The following IDUA variants were observed in gnomAD, a reference collection of about 807,000 sequenced individuals.
The protein encoded by IDUA is alpha-L-iduronidase.
Under a neutral mutation model 68.9 loss-of-function variants are expected in IDUA, and 65 were observed. The observed-to-expected ratio is 0.94, with a 90% confidence interval of 0.77 to 1.16. The LOEUF is 1.16. IDUA is among the 50% of genes most tolerant of loss of function. The probability of loss-of-function intolerance (pLI) is 0.00; values close to 1 mark genes in which losing one functional copy is unlikely to be tolerated. For missense variants in IDUA, 1,046 were observed against 938.0 expected, an observed-to-expected ratio of 1.12 and a Z score of -1.50; for synonymous variants, 529 against 433.6, an observed-to-expected ratio of 1.22 and a Z score of -2.73.
chr4:987,070 C>T lies in IDUA; in HGVS notation c.-15C>T, dbSNP rs1453319978. Reference sequence around the variant, plus strand: ...GTGCAGCCCGAAGCCCCGCAGTCCCCGAGCACGCGTGGCCATGCGTCCCCT... The same window carrying T: ...GTGCAGCCCGAAGCCCCGCAGTCCCTGAGCACGCGTGGCCATGCGTCCCCT... On this transcript the variant is annotated 5_prime_UTR_variant, in exon 1 of 14. Coordinates refer to ENST00000514224, the MANE Select transcript of IDUA (RefSeq NM_000203.5). The T allele has an allele frequency of 6.6e-7, 1 of 1,505,788 alleles. No homozygotes were observed. Among genetic ancestry groups the T allele is most frequent in the Non-Finnish European group, 8.8e-7 (1 of 1,135,874 alleles). 93.3% of individuals were successfully genotyped at this position (1,505,788 alleles called of 1,614,324 possible). A position where few individuals can be genotyped will look rare whatever the true frequency, so the allele number is the denominator to read the frequency against.
intron 2 of IDUA, chr4:991,439 C>T (rs1010411911): frequency 1.9e-6 from 3 of 1,612,602 alleles, no homozygotes; most frequent in Middle Eastern, 1.6e-4. Flanking sequence ...AATGAGTAGG[C>T]GATGGCCTGC....
chr4:987,671 G>C (rs749665697), intron 1 of IDUA, 138 bp from the exon 2 acceptor site: 473 of 1,490,066 alleles, frequency 3.2e-4, no homozygotes, highest in Non-Finnish European at 4.0e-4. Context: ...TGGCCCTAAG[G>C]GTCATTTTAT....
In IDUA at chr4:1,002,112, T is replaced by G. The variant is rs752337969; in HGVS notation, c.923T>G (p.Leu308Arg). 2 of 1,571,666 alleles carry G rather than the reference T, an allele frequency of 1.3e-6. No individual in the cohort carries two copies. The highest frequency in any genetic ancestry group is 1.7e-6 in the Non-Finnish European group (2 of 1,159,368). Reference protein sequence around the residue: ...DEADPLVGWSLPQPWRADVTY... With the variant: ...DEADPLVGWSRPQPWRADVTY... The stretch of plus-strand genomic sequence containing the variant: ...GCGGACCCGCTGGTGGGCTGGTCCC[T>G]GCCACAGCCGTGGAGGGCGGACGTG... The change falls in exon 7 of 14, where the codon CTG becomes CGG. Residue 308 changes from leucine (L) to arginine (R), a missense_variant. By Grantham distance (102) the Leu-to-Arg change is moderately radical. Coordinates refer to ENST00000514224, the MANE Select transcript of IDUA (RefSeq NM_000203.5).
At chr4:1,000,744 C>T in intron 3 of IDUA, 47 bp downstream of exon 3, 3 of 1,515,558 alleles carry the variant, frequency 2.0e-6, no homozygotes, top group Non-Finnish European at 2.7e-6. Flanking sequence ...CCCCCTTGCC[C>T]TGCCCACCCT....
rs1577541140 is a variant in IDUA at position 1,002,345 on chromosome 4, A to G, written c.1049A>G (p.Asn350Ser). 1 of 1,613,104 alleles carries G rather than the reference A, an allele frequency of 6.2e-7. No individual in the cohort carries two copies. Among genetic ancestry groups the G allele is most frequent in the Non-Finnish European group, 8.5e-7 (1 of 1,179,674 alleles). Residue 350 changes from asparagine to serine, a missense_variant, in exon 8 of 14, where the codon AAT (asparagine) becomes AGT (serine). Coordinates refer to ENST00000514224, the MANE Select transcript of IDUA (RefSeq NM_000203.5). The part of the protein sequence containing the change: ...AFPYALLSND[N>S]AFLSYHPHPF... ...CCCTACGCGCTCCTGAGCAACGACA[A>G]TGCCTTCCTGAGCTACCACCCGCAC...
At chr4:991,508 G>T in intron 2 of IDUA, 2 of 1,609,720 alleles carry the variant, frequency 1.2e-6, no homozygotes, top group African/African-American at 1.3e-5. Flanking sequence ...AGGTACTCCC[G>T]CGGGCGGTAC....
intron 2 of IDUA, chr4:990,874 G>T: frequency 2.0e-6 from 1 of 501,574 alleles, no homozygotes; most frequent in Non-Finnish European, 3.5e-6. Flanking sequence ...CACCTGGCCT[G>T]CTGGTCCCCA....
chr4:1,002,757 G>T lies in IDUA; in HGVS notation c.1215G>T (p.Val405=). ...LLDEEQLWAE[V]SQAGTVLDSN... is the part of the protein sequence containing the mutation. ...ATGAGGAGCAGCTCTGGGCCGAAGT[G>T]TCGCAGGCCGGGACCGTCCTGGACA... is the stretch of plus-strand genomic sequence containing the variant. The change falls in exon 9 of 14, where the codon GTG becomes GTT. Residue 405 remains valine (V), a synonymous_variant. Coordinates refer to ENST00000514224, the MANE Select transcript of IDUA (RefSeq NM_000203.5). The T allele has an allele frequency of 6.7e-7, 1 of 1,485,278 alleles. No homozygotes were observed. The allele number at this position is 1,485,278 out of a possible 1,614,324, so 92.0% of individuals were successfully genotyped here.
chr4:991,817 G>A, intron 2 of IDUA: 1 of 1,533,506 alleles, frequency 6.5e-7, no homozygotes, highest in Non-Finnish European at 8.7e-7. Context: ...GCCCCTTGGG[G>A]CGGACCCCTC....
chr4:989,169 G>C (rs765012552), intron 2 of IDUA: 1 of 1,607,300 alleles, frequency 6.2e-7, no homozygotes, highest in Non-Finnish European at 8.5e-7. Context: ...CCAGGTCCTC[G>C]CCCTGGGCAG....
Position 1,004,402 on chromosome 4 carries a change from T to C in IDUA, c.*9T>C. On this transcript the variant is annotated 3_prime_UTR_variant, in exon 14 of 14. Transcript: ENST00000514224. This position sits in a 1 kb window ranked among gnomAD's most constrained non-coding sequence, Gnocchi z 5.0. ...CCCCGGGCAATCCATGAGCCTGTGC[T>C]GAGCCCCAGTGGGTTGCACCTCCAC... 6.2e-7 allele frequency: 1 copy of C among 1,609,604 alleles called. No individual in the cohort carries two copies. Among genetic ancestry groups the C allele is most frequent in the Non-Finnish European group, 8.5e-7 (1 of 1,179,922 alleles).
chr4:1,004,433 G>A lies in IDUA; in HGVS notation c.*40G>A. ...CCAGTGGGTTGCACCTCCACCGGCA[G>A]TCAGCGAGCTGGGGCTGCACTGTGC... On this transcript the variant is annotated 3_prime_UTR_variant, in exon 14 of 14. Coordinates refer to ENST00000514224, the MANE Select transcript of IDUA (RefSeq NM_000203.5). The surrounding 1 kb of genome is among the most constrained non-coding windows in gnomAD (Gnocchi z 5.0). The A allele has an allele frequency of 6.2e-7, 1 of 1,605,230 alleles. No individual in the cohort carries two copies.
chr4:1,001,644 AG>A, intron 5 of IDUA, 34 bp from the exon 6 acceptor site: 1 of 1,606,000 alleles, frequency 6.2e-7, no homozygotes, highest in Non-Finnish European at 8.5e-7. Context: ...GCTCATCCCC[AG>A]GGCAGGTGTA....
At position 1,001,863 on chromosome 4, in the gene IDUA, C is replaced by T. The variant is rs1276524614; in HGVS notation, c.774C>T (p.Tyr258=). ...GGGAGGCGGGCGTGCGGCTGGACTACATCTCCCTCCACAGGAAGGTGCGCC... is the reference window on the plus strand; with the variant it reads ...GGGAGGCGGGCGTGCGGCTGGACTATATCTCCCTCCACAGGAAGGTGCGCC... ...FTGEAGVRLD[Y]ISLHRKGARS... The change falls in exon 6 of 14, where the codon TAC becomes TAT. Residue 258 remains tyrosine, a synonymous_variant. Coordinates refer to ENST00000514224, the MANE Select transcript of IDUA (RefSeq NM_000203.5). The T allele has an allele frequency of 2.5e-6, 4 of 1,590,646 alleles. No individual in the cohort carries two copies. Among genetic ancestry groups the T allele is most frequent in the South Asian group, 1.1e-5 (1 of 88,168 alleles).
intron 2 of IDUA, chr4:990,993 G>T: frequency 1.1e-6 from 1 of 932,054 alleles, no homozygotes; most frequent in African/African-American, 1.7e-5. Flanking sequence ...CCCCAGCTCT[G>T]CCCAAGCCTT....
At position 994,978 on chromosome 4, in the gene IDUA, T is replaced by C. The variant is rs1329763402; in HGVS notation, c.300-5634T>C. 3.9e-5 allele frequency among the ~76,000 whole-genome samples: 6 copies of C among 152,000 alleles called. No homozygotes were observed. The East Asian group carries it at 9.7e-4, about 25-fold the overall frequency. Reference sequence around the variant, plus strand: ...ACTTTGGGAAGCTAAGGTAGGAGGATTGCTTGAGCCCTGGAGGTCCAGGCT... The same window carrying C: ...ACTTTGGGAAGCTAAGGTAGGAGGACTGCTTGAGCCCTGGAGGTCCAGGCT... On this transcript the variant is annotated intron_variant, in intron 2 of 13. Transcript: ENST00000514224.
chr4:1,000,612 G>A lies in IDUA; in HGVS notation c.300G>A (p.Arg100=), dbSNP rs1340970137. 1 of 1,611,640 alleles carries A rather than the reference G, an allele frequency of 6.2e-7. No individual in the cohort carries two copies. ...CCTGACGCTGACCGTCCTTCTGCAG[G>A]GGGTCCACTGGACGGGGCCTGAGCT... ...THWLLELVTT[R]GSTGRGLSYN... is the part of the protein sequence containing the mutation. The change falls in exon 3 of 14, where the codon AGG becomes AGA. Residue 100 remains arginine (R), a splice_region_variant and synonymous_variant. Transcript: ENST00000514224.
At chr4:989,210 C>T (rs761446958) in intron 2 of IDUA, 6 of 1,609,570 alleles carry the variant, frequency 3.7e-6, no homozygotes, top group Non-Finnish European at 4.2e-6. Flanking sequence ...GTCTCTGAGC[C>T]CCCCTCCTTC....
At chr4:990,692 T>C in intron 2 of IDUA, 1 of 429,660 alleles carries the variant, frequency 2.3e-6, no homozygotes, top group Non-Finnish European at 4.2e-6. Context: ...TCCTGCTGCT[T>C]CCTACACATG....
Sources: allele counts gnomAD v4.1 joint callset (sites outside exome capture counted in the v4.1 genomes callset), GRCh38; gene constraint gnomAD v4.1.1; non-coding constraint Gnocchi (gnomAD v3.1); transcripts MANE v1.5; gene names NCBI Gene and HGNC (gene_info 2026-07-23, HGNC 2026-07-21).